Variants in TET3 observed in about 807,000 individuals in gnomAD.
TET3 encodes the protein methylcytosine dioxygenase TET3.
In TET3, 19 loss-of-function variants were observed where a neutral mutation model predicts 141.4. The observed-to-expected ratio is 0.13, with a 90% CI of 0.09 to 0.20. The LOEUF (loss-of-function observed/expected upper bound fraction) is 0.20. Among genes scored for constraint, TET3 ranks in the 10% least tolerant of loss-of-function variants. The pLI, the probability that TET3 is intolerant of heterozygous loss-of-function variation, is 1.00. For missense variants in TET3, 1,874 were observed against 2,356.9 expected (o/e 0.80, Z 4.24); for synonymous variants, 1,043 against 980.9 (o/e 1.06, Z -1.18).
At chr2:74,055,201 C>T (rs559714127) in intron 4 of TET3, among the ~76,000 whole-genome samples, 5 of 152,166 alleles carry the variant, frequency 3.3e-5, no homozygotes, top group East Asian at 1.9e-4. Context: ...TGCCTGGCCG[C>T]GTGTTGTATT....
At chr2:74,013,188 G>T (rs919530138) in intron 3 of TET3, among the ~76,000 whole-genome samples, 1 of 151,896 alleles carries the variant, frequency 6.6e-6, no homozygotes, top group Admixed American at 6.6e-5. Flanking sequence ...TAGAGATGGG[G>T]TTTCACCATG....
At chr2:74,038,352 G>A (rs1687174534) in intron 3 of TET3, among the ~76,000 whole-genome samples, 1 of 152,184 alleles carries the variant, frequency 6.6e-6, no homozygotes, top group Non-Finnish European at 1.5e-5. Context: ...GCTGCCCCTA[G>A]GTGATGGGAA....
intron 2 of TET3, 148 bp downstream of exon 2, chr2:73,986,854 T>G (rs1395584605): frequency 2.7e-6 from 2 of 733,002 alleles, no homozygotes; most frequent in Non-Finnish European, 3.8e-6. Flanking sequence ...GTAACTGACA[T>G]GTTTGGACTC....
chr2:74,022,412 G>GT (rs912330176), intron 3 of TET3, among the ~76,000 whole-genome samples: 1 of 149,040 alleles, frequency 6.7e-6, no homozygotes, highest in South Asian at 2.1e-4. Flanking sequence ...TGTTTGGGGG[G>GT]TTTTTTGTTT....
chr2:74,093,795 G>T lies in TET3; in HGVS notation c.3267+129G>T, dbSNP rs956284082. On this transcript the variant is annotated intron_variant, in intron 10 of 11. Coordinates refer to ENST00000409262, the MANE Select transcript of TET3 (RefSeq NM_001287491.2). This position sits in a 1 kb window ranked among gnomAD's most constrained non-coding sequence, Gnocchi z 4.2. ...GACAGGATCCTCAGAACTCTGGAAG[G>T]TTCCCTGCAAGACGGCCTGCCTTCG... The T allele has an allele frequency of 1.6e-6, 2 of 1,255,574 alleles. No homozygotes were observed. The highest frequency in any genetic ancestry group is 2.0e-5 in the South Asian group (1 of 49,754). 77.8% of individuals were successfully genotyped at this position (1,255,574 alleles called of 1,614,324 possible). A position where few individuals can be genotyped will look rare whatever the true frequency, so the allele number is the denominator to read the frequency against.
intron 4 of TET3, among the ~76,000 whole-genome samples, chr2:74,053,373 A>G (rs1463060324): frequency 2.0e-5 from 3 of 152,208 alleles, no homozygotes; most frequent in African/African-American, 7.2e-5. Context: ...GAGCCAGTTT[A>G]GGACGGAGAA....
At chr2:74,016,242 A>G (rs1273880526) in intron 3 of TET3, among the ~76,000 whole-genome samples, 1 of 151,704 alleles carries the variant, frequency 6.6e-6, no homozygotes, top group Non-Finnish European at 1.5e-5. Flanking sequence ...GTTGGACACT[A>G]TAGTGTGCTA....
intron 2 of TET3, among the ~76,000 whole-genome samples, chr2:73,999,789 G>A (rs114487186): frequency 0.01 from 1,571 of 152,270 alleles, 30 homozygotes; most frequent in African/African-American, 0.036. Context: ...GGATCAAGAG[G>A]GGAGCGGAGA....
At chr2:74,063,372 T>C (rs1296829262) in intron 4 of TET3, among the ~76,000 whole-genome samples, 1 of 152,178 alleles carries the variant, frequency 6.6e-6, no homozygotes, top group Non-Finnish European at 1.5e-5. Context: ...TGTCAGGCAA[T>C]ACTTCACCAC....
In TET3 at chr2:74,101,945, G is replaced by A; in HGVS notation, c.5157G>A (p.Arg1719=). The change falls in exon 12 of 12, where the codon AGG becomes AGA. Residue 1719 remains arginine, a synonymous_variant. Coordinates refer to ENST00000409262, the MANE Select transcript of TET3 (RefSeq NM_001287491.2). This position sits in a 1 kb window ranked among gnomAD's most constrained non-coding sequence, Gnocchi z 8.5. ...WEAKMKQLAE[R]ARARQEEAAR... is the part of the protein sequence containing the mutation. ...CCAAGATGAAGCAGCTGGCGGAGAGGGCACGGGCACGGCAGGAGGAGGCTG... is the reference window on the plus strand; with the variant it reads ...CCAAGATGAAGCAGCTGGCGGAGAGAGCACGGGCACGGCAGGAGGAGGCTG... 1.9e-6 allele frequency: 3 copies of A among 1,612,388 alleles called. No individual in the cohort carries two copies. The highest frequency in any genetic ancestry group is 2.5e-6 in the Non-Finnish European group (3 of 1,179,044).
intron 4 of TET3, among the ~76,000 whole-genome samples, chr2:74,068,593 A>G (rs1192200253): frequency 6.6e-6 from 1 of 152,256 alleles, no homozygotes; most frequent in Non-Finnish European, 1.5e-5. Flanking sequence ...TTTTACATAT[A>G]CAATTATAAC....
chr2:74,002,624 C>G (rs900989480), intron 2 of TET3: 1 of 356,782 alleles, frequency 2.8e-6, no homozygotes, highest in Non-Finnish European at 5.0e-6. Flanking sequence ...GGGGCAGGGC[C>G]GGCCGCGGGG....
chr2:74,052,059 A>G (rs772678009), intron 4 of TET3, among the ~76,000 whole-genome samples: 2 of 152,184 alleles, frequency 1.3e-5, no homozygotes, highest in African/African-American at 4.8e-5. Context: ...GGCTCACTGC[A>G]ACCTCTGCCT....
chr2:74,004,309 C>T (rs1290439319), intron 3 of TET3, among the ~76,000 whole-genome samples: 2 of 152,168 alleles, frequency 1.3e-5, no homozygotes, highest in Admixed American at 6.5e-5. Flanking sequence ...TTAGTTTCCT[C>T]CCTGGAAATT....
chr2:73,989,680 G>A (rs74850169), intron 2 of TET3, among the ~76,000 whole-genome samples: 1 of 152,130 alleles, frequency 6.6e-6, no homozygotes, highest in African/African-American at 2.4e-5. Context: ...GGTTGGGGCA[G>A]GTTGGTAGTA....
chr2:74,005,479 A>G (rs956586339), intron 3 of TET3, among the ~76,000 whole-genome samples: 1 of 152,206 alleles, frequency 6.6e-6, no homozygotes, highest in African/African-American at 2.4e-5. Context: ...TTGGGTGGCC[A>G]GTTGGCTGCA....
At chr2:74,024,643 A>G (rs767856529) in intron 3 of TET3, among the ~76,000 whole-genome samples, 18 of 152,044 alleles carry the variant, frequency 1.2e-4, no homozygotes, top group Non-Finnish European at 2.4e-4. Context: ...CCTGCCTCCA[A>G]CCAGCCATTT....
intron 6 of TET3, among the ~76,000 whole-genome samples, chr2:74,080,841 G>A (rs1234393460): frequency 3.9e-5 from 6 of 152,178 alleles, no homozygotes; most frequent in Admixed American, 2.0e-4. Context: ...GCCAGTCCCC[G>A]AGTCTTGGGT....
chr2:74,054,955 G>A (rs948133542), intron 4 of TET3, among the ~76,000 whole-genome samples: 3 of 152,096 alleles, frequency 2.0e-5, no homozygotes, highest in Non-Finnish European at 4.4e-5. Flanking sequence ...GATAGCAGTG[G>A]CAGACTCACA....
Sources: allele counts gnomAD v4.1 joint callset (sites outside exome capture counted in the v4.1 genomes callset), GRCh38; gene constraint gnomAD v4.1.1; non-coding constraint Gnocchi (gnomAD v3.1); transcripts MANE v1.5; gene names NCBI Gene and HGNC (gene_info 2026-07-23, HGNC 2026-07-21).